GIGYF2: variants seen among roughly 807,000 people sequenced by gnomAD.
The protein encoded by GIGYF2 is GRB10 interacting GYF protein 2.
Under a neutral mutation model 208.1 loss-of-function variants are expected in GIGYF2, and 25 were observed. That is an observed-to-expected ratio of 0.12 (90% CI 0.09 to 0.17). GIGYF2 has a LOEUF of 0.17. Ranked by LOEUF, GIGYF2 falls within the 10% of genes least tolerant of loss-of-function variation. GIGYF2 has a pLI of 1.00. For missense variants in GIGYF2, 1,302 were observed against 1,579.4 expected, an observed-to-expected ratio of 0.82 and a Z score of 2.98; for synonymous variants, 534 against 543.8, an observed-to-expected ratio of 0.98 and a Z score of 0.25.
At position 232,857,842 on chromosome 2, in the gene GIGYF2, C is replaced by G. The variant is rs1410311947; in HGVS notation, c.*982C>G. ...AAAGCCTGGAATTTCATCTGGTCCT[C>G]AGAGCATTGCGTGTGTGTCTTGCTG... On this transcript the variant is annotated 3_prime_UTR_variant, in exon 29 of 29. Transcript: ENST00000373563. The G allele has an allele frequency of 6.6e-6, 1 of 152,604 alleles. No individual in the cohort carries two copies. Among genetic ancestry groups the G allele is most frequent in the African/African-American group, 2.4e-5 (1 of 41,416 alleles). The allele number at this position is 152,604 out of a possible 1,614,324, so 9.5% of individuals were successfully genotyped here.
chr2:232,759,965 A>G (rs186051691), intron 6 of GIGYF2, among the ~76,000 whole-genome samples: 6 of 152,220 alleles, frequency 3.9e-5, no homozygotes, highest in Admixed American at 3.9e-4. Context: ...TCTGTAATAT[A>G]CCCTGTATGG....
chr2:232,773,556 T>C (rs1312438126), intron 8 of GIGYF2, among the ~76,000 whole-genome samples: 4 of 152,210 alleles, frequency 2.6e-5, no homozygotes, highest in Admixed American at 6.5e-5. Context: ...AGGTCTTTGA[T>C]AGCCAAATTT....
At chr2:232,730,058 A>G in intron 2 of GIGYF2, 2 of 967,488 alleles carry the variant, frequency 2.1e-6, no homozygotes, top group Non-Finnish European at 3.4e-6. Flanking sequence ...AACACAAGTC[A>G]GCAGGCGGTG....
At chr2:232,697,609 C>G (rs1329435192) in intron 1 of GIGYF2, among the ~76,000 whole-genome samples, 1 of 152,246 alleles carries the variant, frequency 6.6e-6, no homozygotes, top group African/African-American at 2.4e-5. Context: ...GGAGCCTCCT[C>G]CTGGGCGAGG....
At chr2:232,776,088 T>A (rs1699501079) in intron 8 of GIGYF2, among the ~76,000 whole-genome samples, 1 of 152,174 alleles carries the variant, frequency 6.6e-6, no homozygotes, top group African/African-American at 2.4e-5. Context: ...TTTGTTTTTT[T>A]ATGCTCATTT....
intron 12 of GIGYF2, among the ~76,000 whole-genome samples, chr2:232,792,906 G>T (rs1030568305): frequency 6.6e-6 from 1 of 152,182 alleles, no homozygotes; most frequent in Admixed American, 6.5e-5. Context: ...CGAAACTCCA[G>T]ATTTATAGTG....
At chr2:232,729,804 T>A (rs921921041) in intron 2 of GIGYF2, 3 of 747,602 alleles carry the variant, frequency 4.0e-6, no homozygotes, top group African/African-American at 3.4e-5. Flanking sequence ...GTGCAGGTTT[T>A]TTGGCTTTCT....
intron 2 of GIGYF2, among the ~76,000 whole-genome samples, chr2:232,730,821 C>A (rs1362113594): frequency 7.0e-6 from 1 of 142,794 alleles, no homozygotes; most frequent in Non-Finnish European, 1.5e-5. Flanking sequence ...TGGCGTGAAC[C>A]CGGGAGGCGG....
chr2:232,728,617 A>G (rs946163895), intron 2 of GIGYF2, among the ~76,000 whole-genome samples: 2 of 152,168 alleles, frequency 1.3e-5, no homozygotes, highest in African/African-American at 4.8e-5. Flanking sequence ...GGGAGAAAAA[A>G]ATCAAATTTG....
rs758581367 is a variant in GIGYF2, at chr2:232,768,263, A to C, written c.532+6827A>C. ...GTCCATTGATGTGGATATCCAGGTC[A>C]GTCCTGTTTGGGCTTTTAGAAACCA... On this transcript the variant is annotated intron_variant, in intron 8 of 28. Transcript: ENST00000373563. The C allele has an allele frequency of 1.5e-5, 25 of 1,613,980 alleles. 1 individual carries two copies. Among genetic ancestry groups the C allele is most frequent in the Non-Finnish European group, 2.0e-5 (24 of 1,179,918 alleles).
In GIGYF2 at chr2:232,739,937, T is replaced by TAAAAA. The variant is rs34661108; in HGVS notation, c.41+4717_41+4721dup. 8.6e-3 allele frequency among the ~76,000 whole-genome samples: 960 copies of TAAAAA among 111,562 alleles called. 8 individuals carry two copies. Among genetic ancestry groups the TAAAAA allele is most frequent in the Non-Finnish European group, 0.013 (747 of 55,378 alleles). The allele number at this position is 111,562 out of a possible 152,430, so 73.2% of individuals were successfully genotyped here. A position where few individuals can be genotyped will look rare whatever the true frequency, so the allele number is the denominator to read the frequency against. On this transcript the variant is annotated intron_variant, in intron 3 of 28. Coordinates refer to ENST00000373563, the MANE Select transcript of GIGYF2 (RefSeq NM_001103146.3). ...CAACATGGTGAAACCCCATCTCTGC[T>TAAAAA]AAAAAAAAAAAAAAAAAAAAAATTA...
intron 2 of GIGYF2, among the ~76,000 whole-genome samples, chr2:232,707,311 A>G (rs2106249242): frequency 6.6e-6 from 1 of 152,334 alleles, no homozygotes; most frequent in African/African-American, 2.4e-5. Context: ...CTTTGGTTAT[A>G]CAGACTGACA....
intron 1 of GIGYF2, among the ~76,000 whole-genome samples, chr2:232,699,762 A>G (rs2106237216): frequency 6.6e-6 from 1 of 152,340 alleles, no homozygotes; most frequent in South Asian, 2.1e-4. Context: ...GAAACAATGT[A>G]TTAACTCAAA....
Position 232,819,896 on chromosome 2 carries a change from C to G in GIGYF2, c.2440C>G (p.Gln814Glu), listed in dbSNP as rs780276697. The change falls in exon 21 of 29, where the codon CAG becomes GAG. Residue 814 changes from glutamine to glutamate, a missense_variant. Gln to Glu is a conservative substitution (Grantham distance 29). Around this residue, in one of 8 missense-constraint regions of GIGYF2, gnomAD observed 701 missense variants for 793.0 expected, o/e 0.88. Transcript: ENST00000373563. Reference sequence around the variant, plus strand: ...GCGACAGCGAGAAGAGGAAGAAAGACAGCAGCAAGAAGAAGCTCTTAGAAG... The same window carrying G: ...GCGACAGCGAGAAGAGGAAGAAAGAGAGCAGCAAGAAGAAGCTCTTAGAAG... ...LRRQREEEER[Q>E]QQEEALRRLE... 1.3e-6 allele frequency: 2 copies of G among 1,593,376 alleles called. No homozygotes were observed. The highest frequency in any genetic ancestry group is 1.7e-6 in the Non-Finnish European group (2 of 1,164,712).
intron 8 of GIGYF2, among the ~76,000 whole-genome samples, chr2:232,773,772 TC>T (rs1473497170): frequency 2.0e-5 from 3 of 152,192 alleles, no homozygotes; most frequent in Admixed American, 2.0e-4. Context: ...GAGTAAGCTC[TC>T]AGTAAAGTAT....
chr2:232,743,077 G>A (rs372314628), intron 3 of GIGYF2, among the ~76,000 whole-genome samples: 2 of 152,152 alleles, frequency 1.3e-5, no homozygotes, highest in Non-Finnish European at 2.9e-5. Context: ...CTTACCAAGC[G>A]AAGATTTTGG....
At chr2:232,744,882 C>T (rs547814795) in intron 3 of GIGYF2, among the ~76,000 whole-genome samples, 7 of 152,206 alleles carry the variant, frequency 4.6e-5, no homozygotes, top group Non-Finnish European at 8.8e-5. Context: ...CTTTGTTCTG[C>T]TGCCCGTGAC....
intron 22 of GIGYF2, among the ~76,000 whole-genome samples, chr2:232,834,221 A>T (rs767333289): frequency 2.0e-5 from 3 of 152,150 alleles, no homozygotes; most frequent in Non-Finnish European, 4.4e-5. Flanking sequence ...CACAGGTTAG[A>T]CACATAAACA....
intron 13 of GIGYF2, 27 bp downstream of exon 13, chr2:232,794,971 C>T (rs767302015): frequency 3.7e-5 from 56 of 1,524,774 alleles, no homozygotes; most frequent in Non-Finnish European, 5.1e-5. Context: ...TTCTTTTTGT[C>T]TCCTCTTAAA....
Sources: gnomAD v4.1 joint callset for allele counts (sites outside exome capture counted in the v4.1 genomes callset) on GRCh38, gnomAD v4.1.1 for gene constraint, gnomAD v4.1.1 regional missense constraint, MANE v1.5 for transcripts, NCBI Gene and HGNC (gene_info 2026-07-23, HGNC 2026-07-21) for gene names.